The following CTNNA3 variants were observed in gnomAD, a reference collection of about 807,000 sequenced individuals.
CTNNA3 encodes the protein catenin alpha-3.
In CTNNA3, 76 loss-of-function variants were observed where a neutral mutation model predicts 95.7. The observed-to-expected ratio is 0.79, with a 90% CI of 0.66 to 0.96. The LOEUF is 0.96. CTNNA3 is among the 40% of genes least tolerant of loss of function. The pLI, the probability that CTNNA3 is intolerant of heterozygous loss-of-function variation, is 0.00. For synonymous variants in CTNNA3, 431 were observed against 374.4 expected, an observed-to-expected ratio of 1.15 and a Z score of -1.74; for missense variants, 1,191 against 1,089.8, an observed-to-expected ratio of 1.09 and a Z score of -1.31.
chr10:66,344,976 A>T (rs1207315638), intron 12 of CTNNA3, among the ~76,000 whole-genome samples: 1 of 152,148 alleles, frequency 6.6e-6, no homozygotes, highest in Non-Finnish European at 1.5e-5. Context: ...TTAATTTAAT[A>T]ATTAAGGAAA....
intron 11 of CTNNA3, among the ~76,000 whole-genome samples, chr10:66,395,908 G>A (rs555043582): frequency 5.3e-5 from 8 of 151,976 alleles, no homozygotes; most frequent in African/African-American, 1.2e-4. Context: ...GTACCCAATA[G>A]GTAATTTTTC....
chr10:67,402,465 A>G (rs1444997194), intron 5 of CTNNA3, among the ~76,000 whole-genome samples: 2 of 152,234 alleles, frequency 1.3e-5, no homozygotes, highest in Non-Finnish European at 2.9e-5. Flanking sequence ...GCTATGGTGC[A>G]TGGCACTCAT....
intron 3 of CTNNA3, among the ~76,000 whole-genome samples, chr10:67,588,478 G>A (rs898592806): frequency 1.3e-4 from 20 of 151,988 alleles, no homozygotes; most frequent in African/African-American, 2.9e-4. Flanking sequence ...TGGTATCTGC[G>A]GTTTCCTTGA....
At chr10:67,070,182 C>T (rs1301772352) in intron 7 of CTNNA3, among the ~76,000 whole-genome samples, 1 of 152,084 alleles carries the variant, frequency 6.6e-6, no homozygotes, top group African/African-American at 2.4e-5. Flanking sequence ...ATATATATTG[C>T]AATTTGGATA....
intron 5 of CTNNA3, among the ~76,000 whole-genome samples, chr10:67,402,281 C>A (rs1844951437): frequency 6.6e-6 from 1 of 152,032 alleles, no homozygotes; most frequent in Non-Finnish European, 1.5e-5. Context: ...AAATTCACTA[C>A]AAAAATTACA....
At chr10:66,296,614 T>C (rs1177668427) in intron 12 of CTNNA3, among the ~76,000 whole-genome samples, 2 of 150,658 alleles carry the variant, frequency 1.3e-5, no homozygotes, top group Non-Finnish European at 1.5e-5. Context: ...TCTATATCTA[T>C]ACACACACAC....
intron 10 of CTNNA3, among the ~76,000 whole-genome samples, chr10:66,578,416 C>T (rs1352088322): frequency 6.6e-6 from 1 of 151,958 alleles, no homozygotes; most frequent in African/African-American, 2.4e-5. Flanking sequence ...GGAATGCTTC[C>T]AGCTTTCACC....
At chr10:66,913,989 CT>C (rs767885621) in intron 7 of CTNNA3, among the ~76,000 whole-genome samples, 1 of 152,186 alleles carries the variant, frequency 6.6e-6, no homozygotes, top group Non-Finnish European at 1.5e-5. Context: ...AGGTGTACAT[CT>C]TCCATGTAGG....
At chr10:66,657,520 C>G (rs1846109598) in intron 9 of CTNNA3, among the ~76,000 whole-genome samples, 1 of 152,088 alleles carries the variant, frequency 6.6e-6, no homozygotes, top group African/African-American at 2.4e-5. Context: ...AAGCAAATGA[C>G]AAATTCCTGA....
rs762636704 is a variant in CTNNA3, at chr10:67,506,554, T to C, written c.579+15288A>G. On this transcript the variant is annotated intron_variant, in intron 5 of 17. Coordinates refer to ENST00000433211, the MANE Select transcript of CTNNA3 (RefSeq NM_013266.4). Reference sequence around the variant, plus strand: ...TACAAAAGGCTGCATGACTGGTGTGTGCCTGTTTAAAGCTCTGCTGTAAGC... The same window carrying C: ...TACAAAAGGCTGCATGACTGGTGTGCGCCTGTTTAAAGCTCTGCTGTAAGC... Among the ~76,000 whole-genome samples the C allele has an allele frequency of 5.2e-4, 79 of 152,232 alleles. 4 individuals are homozygous for C. The highest frequency in any genetic ancestry group is 2.4e-4 in the Non-Finnish European group (16 of 68,042).
intron 12 of CTNNA3, among the ~76,000 whole-genome samples, chr10:66,307,325 G>A (rs147043625): frequency 6.6e-6 from 1 of 152,216 alleles, no homozygotes; most frequent in African/African-American, 2.4e-5. Context: ...TATCATTATA[G>A]TATCTGGAAA....
intron 13 of CTNNA3, among the ~76,000 whole-genome samples, chr10:66,264,372 T>C (rs1017305801): frequency 6.6e-6 from 1 of 152,016 alleles, no homozygotes; most frequent in Non-Finnish European, 1.5e-5. Flanking sequence ...AAATATGTTT[T>C]GAATTTGTTT....
At chr10:66,440,108 T>G (rs534003651) in intron 11 of CTNNA3, among the ~76,000 whole-genome samples, 1 of 152,292 alleles carries the variant, frequency 6.6e-6, no homozygotes, top group East Asian at 1.9e-4. Flanking sequence ...TAAAACAGTA[T>G]TCCAATAAAT....
At chr10:67,111,450 A>T (rs1377102819) in intron 7 of CTNNA3, among the ~76,000 whole-genome samples, 2 of 152,116 alleles carry the variant, frequency 1.3e-5, no homozygotes, top group Non-Finnish European at 2.9e-5. Context: ...CATTTTTCAT[A>T]AAAACAGCTC....
intron 15 of CTNNA3, among the ~76,000 whole-genome samples, chr10:66,031,789 GGAA>G (rs1001168696): frequency 6.6e-6 from 1 of 152,144 alleles, no homozygotes; most frequent in Non-Finnish European, 1.5e-5. Flanking sequence ...TGTAAGATTT[GGAA>G]GGTAGAAAGT....
intron 7 of CTNNA3, among the ~76,000 whole-genome samples, chr10:67,037,694 A>G (rs994230106): frequency 1.3e-5 from 2 of 152,226 alleles, no homozygotes; most frequent in Non-Finnish European, 2.9e-5. Context: ...AGAATGGAGT[A>G]TTGACAGGAC....
intron 7 of CTNNA3, among the ~76,000 whole-genome samples, chr10:67,065,070 A>G (rs1041301202): frequency 1.3e-5 from 2 of 152,176 alleles, no homozygotes; most frequent in Non-Finnish European, 2.9e-5. Context: ...TAGACATGTG[A>G]CATCCCGAAA....
intron 5 of CTNNA3, among the ~76,000 whole-genome samples, chr10:67,513,305 CA>C (rs2133135522): frequency 6.6e-6 from 1 of 152,328 alleles, no homozygotes; most frequent in African/African-American, 2.4e-5. Context: ...GGAGGACAAG[CA>C]TAATCAGAAA....
intron 7 of CTNNA3, among the ~76,000 whole-genome samples, chr10:66,825,383 C>T (rs1294114492): frequency 1.3e-5 from 2 of 151,214 alleles, no homozygotes; most frequent in African/African-American, 2.4e-5. Context: ...TCAAGCAATT[C>T]TCCTGCCTCA....
Sources: allele counts gnomAD v4.1 joint callset (sites outside exome capture counted in the v4.1 genomes callset), GRCh38; gene constraint gnomAD v4.1.1; transcripts MANE v1.5; gene names NCBI Gene and HGNC (gene_info 2026-07-23, HGNC 2026-07-21).